Variants in TPTE observed in about 807,000 individuals in gnomAD.
TPTE encodes the protein transmembrane phosphatase with tensin homology.
Under a neutral mutation model 84.1 loss-of-function variants are expected in TPTE, and 59 were observed. The ratio of observed to expected loss-of-function variants is 0.70; its 90% CI spans 0.57 to 0.87. TPTE has a LOEUF of 0.87. TPTE is among the 40% of genes least tolerant of loss of function. The pLI is 0.00. For synonymous variants in TPTE, 130 were observed against 223.5 expected (o/e 0.58, Z 3.73); for missense variants, 382 against 659.6 (o/e 0.58, Z 4.61).
chr21:10,572,812 A>C (rs1436526805), intron 14 of TPTE, among the ~76,000 whole-genome samples: 1 of 152,300 alleles, frequency 6.6e-6, no homozygotes, highest in African/African-American at 2.4e-5. Context: ...ACAAACGTGT[A>C]AAACTCACCT....
chr21:10,557,187 A>G (rs536905969), intron 8 of TPTE, among the ~76,000 whole-genome samples: 2 of 152,310 alleles, frequency 1.3e-5, no homozygotes, highest in Admixed American at 6.5e-5. Flanking sequence ...CATGGAGGCT[A>G]TGCTTCGTGT....
intron 8 of TPTE, among the ~76,000 whole-genome samples, chr21:10,557,870 C>T (rs1377127048): frequency 5.3e-5 from 8 of 152,290 alleles, no homozygotes; most frequent in Non-Finnish European, 1.0e-4. Context: ...AAGCTCAGTA[C>T]CCAAATAGTT....
intron 3 of TPTE, among the ~76,000 whole-genome samples, chr21:10,536,710 C>T (rs1430185171): frequency 1.3e-5 from 2 of 152,302 alleles, no homozygotes; most frequent in African/African-American, 4.8e-5. Flanking sequence ...TAACTATAGG[C>T]CCTGCAGGCC....
chr21:10,531,312 ATTAG>A (rs1410898266), intron 3 of TPTE, among the ~76,000 whole-genome samples: 3 of 152,308 alleles, frequency 2.0e-5, no homozygotes, highest in Admixed American at 6.5e-5. Context: ...TACTCACTCT[ATTAG>A]TTCTTGCAAG....
At chr21:10,558,205 G>T (rs1263589463) in intron 8 of TPTE, among the ~76,000 whole-genome samples, 3 of 152,310 alleles carry the variant, frequency 2.0e-5, no homozygotes, top group African/African-American at 7.2e-5. Flanking sequence ...AAATAGTGCT[G>T]CAGTGAACAT....
At chr21:10,554,894 C>T (rs1172060880) in intron 8 of TPTE, among the ~76,000 whole-genome samples, 1 of 152,306 alleles carries the variant, frequency 6.6e-6, no homozygotes, top group South Asian at 2.1e-4. Context: ...TCTGTATTGT[C>T]CTTACCCTGT....
intron 19 of TPTE, among the ~76,000 whole-genome samples, chr21:10,594,407 G>C (rs1450531410): frequency 2.0e-5 from 3 of 152,302 alleles, no homozygotes; most frequent in African/African-American, 7.2e-5. Context: ...TAAAGGCAAA[G>C]CCCGTGGCTT....
intron 1 of TPTE, among the ~76,000 whole-genome samples, chr21:10,522,817 A>T (rs1346687635): frequency 7.9e-5 from 12 of 152,308 alleles, no homozygotes; most frequent in Non-Finnish European, 1.8e-4. Context: ...ATAATGATCA[A>T]ATCATGGTAA....
intron 10 of TPTE, among the ~76,000 whole-genome samples, chr21:10,564,158 TAAATA>T (rs1248041461): frequency 4.6e-5 from 7 of 151,984 alleles, no homozygotes; most frequent in East Asian, 2.0e-4. Context: ...AGCTCAAAAA[TAAATA>T]AAATAAAAAA....
At chr21:10,589,310 G>A (rs1257286781) in intron 17 of TPTE, among the ~76,000 whole-genome samples, 2 of 152,300 alleles carry the variant, frequency 1.3e-5, no homozygotes, top group African/African-American at 4.8e-5. Context: ...TATATTGGGT[G>A]TGTGGTTTGA....
intron 22 of TPTE, chr21:10,602,742 AGAG>A (rs1600994625): frequency 1.9e-6 from 1 of 518,094 alleles, no homozygotes; most frequent in East Asian, 5.4e-5. Context: ...AATTCCAGAG[AGAG>A]GAGGGCAGCA....
chr21:10,599,457 G>T (rs2075649134), intron 21 of TPTE, among the ~76,000 whole-genome samples: 1 of 152,312 alleles, frequency 6.6e-6, no homozygotes, highest in Non-Finnish European at 1.5e-5. Context: ...CCTGTAGTCA[G>T]AGCCAGTTAA....
chr21:10,592,439 T>C (rs303304), intron 19 of TPTE, 66 bp downstream of exon 19: 54,015 of 1,508,840 alleles, frequency 0.036, 3 homozygotes, highest in African/African-American at 0.24. Context: ...ACCTGTTATT[T>C]GGTTTCATTT....
At chr21:10,522,078 G>C (rs1481773060) in intron 1 of TPTE, among the ~76,000 whole-genome samples, 12 of 151,820 alleles carry the variant, frequency 7.9e-5, no homozygotes, top group Non-Finnish European at 1.8e-4. Context: ...CGCGCCAGCC[G>C]GGGCGCCCGC....
chr21:10,538,774 A>C (rs1301623303), intron 4 of TPTE, 40 bp downstream of exon 4: 1 of 1,614,068 alleles, frequency 6.2e-7, no homozygotes, highest in South Asian at 1.1e-5. Flanking sequence ...ATCGAATTAT[A>C]ACTGAGCATA....
At chr21:10,590,613 T>G (rs2075455278) in intron 18 of TPTE, 90 bp downstream of exon 18, 2 of 1,587,198 alleles carry the variant, frequency 1.3e-6, no homozygotes, top group Non-Finnish European at 1.7e-6. Flanking sequence ...ATGATTATTT[T>G]AGTCATGGTG....
intron 3 of TPTE, among the ~76,000 whole-genome samples, chr21:10,533,658 C>T (rs968307141): frequency 2.0e-5 from 3 of 152,308 alleles, no homozygotes; most frequent in Non-Finnish European, 4.4e-5. Flanking sequence ...ATTATATAGT[C>T]AGTCTCACTG....
chr21:10,527,172 GACACAC>G (rs377575461), intron 2 of TPTE, among the ~76,000 whole-genome samples, 177 bp from the exon 3 acceptor site: 2 of 127,800 alleles, frequency 1.6e-5, no homozygotes, highest in African/African-American at 7.0e-5. Context: ...CACACACACA[GACACAC>G]ACACACACAC....
intron 3 of TPTE, among the ~76,000 whole-genome samples, chr21:10,535,123 T>C (rs940436844): frequency 1.3e-5 from 2 of 152,306 alleles, no homozygotes; most frequent in Non-Finnish European, 2.9e-5. Flanking sequence ...CCTTGGCAGG[T>C]AGACTCTTGT....
Sources: gnomAD v4.1 joint callset for allele counts (sites outside exome capture counted in the v4.1 genomes callset) on GRCh38, gnomAD v4.1.1 for gene constraint, MANE v1.5 for transcripts, NCBI Gene and HGNC (gene_info 2026-07-23, HGNC 2026-07-21) for gene names.